Variants in NOS1 observed in about 807,000 individuals in gnomAD.
The protein encoded by NOS1 is nitric oxide synthase 1.
Under a neutral mutation model 164.5 loss-of-function variants are expected in NOS1, and 51 were observed. That is an observed-to-expected ratio of 0.31 (90% CI 0.25 to 0.39). The LOEUF (loss-of-function observed/expected upper bound fraction) is 0.39. Ranked by LOEUF, NOS1 falls within the 10% of genes least tolerant of loss-of-function variation. The pLI is 1.00. For missense variants in NOS1, 1,362 were observed against 1,885.6 expected, an observed-to-expected ratio of 0.72 and a Z score of 5.14; for synonymous variants, 719 against 745.8, an observed-to-expected ratio of 0.96 and a Z score of 0.59.
At chr12:117,281,519 CAAA>C (rs56248436) in intron 7 of NOS1, among the ~76,000 whole-genome samples, 2 of 50,862 alleles carry the variant, frequency 3.9e-5, no homozygotes, top group African/African-American at 8.9e-5. Context: ...GACTCCATCT[CAAA>C]AAAAAAAAAA....
At chr12:117,301,736 A>G (rs1351212956) in intron 3 of NOS1, among the ~76,000 whole-genome samples, 4 of 152,188 alleles carry the variant, frequency 2.6e-5, no homozygotes, top group Non-Finnish European at 5.9e-5. Context: ...TCAATGAGTG[A>G]CAAAGATGAC....
intron 2 of NOS1, among the ~76,000 whole-genome samples, chr12:117,329,747 C>T (rs1244474760): frequency 6.6e-6 from 1 of 152,156 alleles, no homozygotes; most frequent in Non-Finnish European, 1.5e-5. Flanking sequence ...CCACATAATC[C>T]CAGCAAGACT....
At chr12:117,343,779 A>AG in intron 1 of NOS1, among the ~76,000 whole-genome samples, 1 of 152,198 alleles carries the variant, frequency 6.6e-6, no homozygotes, top group Non-Finnish European at 1.5e-5. Context: ...TTTCTGGTGT[A>AG]GGGGAGCTGA....
intron 1 of NOS1, among the ~76,000 whole-genome samples, chr12:117,346,783 C>T (rs1309466377): frequency 6.6e-6 from 1 of 152,136 alleles, no homozygotes; most frequent in Non-Finnish European, 1.5e-5. Context: ...TTTTTGTGAC[C>T]TACACAAATG....
chr12:117,344,622 G>C (rs1353002976), intron 1 of NOS1, among the ~76,000 whole-genome samples: 1 of 152,178 alleles, frequency 6.6e-6, no homozygotes, highest in East Asian at 1.9e-4. Flanking sequence ...AATGTTCTAA[G>C]TACTGCTATA....
chr12:117,329,502 A>G (rs528558), intron 2 of NOS1, among the ~76,000 whole-genome samples: 113,729 of 151,974 alleles, frequency 0.75, 43,342 homozygotes, highest in South Asian at 0.82. Flanking sequence ...GGGGGCTGTA[A>G]CGTCAGTGCC....
At chr12:117,284,821 G>A (rs530063212) in intron 7 of NOS1, among the ~76,000 whole-genome samples, 5 of 152,102 alleles carry the variant, frequency 3.3e-5, no homozygotes, top group African/African-American at 9.6e-5. Flanking sequence ...AGGCCGAGGC[G>A]GGTGGAGCAC....
rs1462927070 is a variant in NOS1, at chr12:117,226,806, T to C, written c.3617-36A>G. On this transcript the variant is annotated intron_variant, in intron 23 of 28. Transcript: ENST00000317775. ...AACCAAGGCAGTCAGGGCCACCCAC[T>C]GCTCCCGAGCACGGCCTCCCCTCCT... is the stretch of plus-strand genomic sequence containing the variant. 3 of 1,560,402 alleles carry C rather than the reference T, an allele frequency of 1.9e-6. 1 individual carries two copies. In the South Asian group the frequency reaches 3.4e-5, roughly 17 times the overall value.
chr12:117,240,324 G>A (rs150256879), intron 20 of NOS1, among the ~76,000 whole-genome samples: 2,071 of 152,246 alleles, frequency 0.014, 28 homozygotes, highest in South Asian at 0.066. Context: ...AGAGCCCTGG[G>A]GCTCTGCTGT....
rs1566078836 is a variant in NOS1 at position 117,330,299 on chromosome 12, T to TGCACACACAC, written c.725+36_725+45dup. On this transcript the variant is annotated intron_variant, in intron 2 of 28. Transcript: ENST00000317775. This position sits in a 1 kb window ranked among gnomAD's most constrained non-coding sequence, Gnocchi z 4.6. Reference sequence around the variant, plus strand: ...AGACGCACATGCACACACACAAGCATGCACACACACACACACACACACACA... The same window carrying TGCACACACAC: ...AGACGCACATGCACACACACAAGCATGCACACACACGCACACACACACACACACACACACA... The TGCACACACAC allele has an allele frequency of 1.6e-6, 1 of 633,920 alleles. No homozygotes were observed. 39.3% of individuals were successfully genotyped at this position (633,920 alleles called of 1,614,324 possible).
At chr12:117,256,124 GAAGGAGAGAGGT>G in intron 16 of NOS1, 2 of 638,862 alleles carry the variant, frequency 3.1e-6, no homozygotes, top group South Asian at 6.4e-5. Context: ...GATGGGGTGG[GAAGGAGAGAGGT>G]AAGGAGAGTG....
At chr12:117,242,377 A>G (rs1870250019) in intron 20 of NOS1, among the ~76,000 whole-genome samples, 1 of 152,238 alleles carries the variant, frequency 6.6e-6, no homozygotes. Context: ...ACTGTTAAAA[A>G]TCACTCAGAA....
chr12:117,258,305 T>C, intron 16 of NOS1, 92 bp downstream of exon 16: 3 of 1,256,992 alleles, frequency 2.4e-6, no homozygotes, highest in Non-Finnish European at 3.5e-6. Flanking sequence ...ACAGCCACCA[T>C]CCAGAACTCA....
intron 3 of NOS1, among the ~76,000 whole-genome samples, chr12:117,308,779 T>G (rs540421553): frequency 2.6e-5 from 4 of 152,158 alleles, no homozygotes; most frequent in Non-Finnish European, 5.9e-5. Context: ...GTATTTTTAG[T>G]AGAGACGGAG....
At chr12:117,360,960 C>A (rs1444132733) in intron 1 of NOS1, among the ~76,000 whole-genome samples, 1 of 152,186 alleles carries the variant, frequency 6.6e-6, no homozygotes. Flanking sequence ...ACCCCCGGAC[C>A]GGAGCCCCCG....
At chr12:117,317,822 A>C (rs1416979359) in intron 2 of NOS1, among the ~76,000 whole-genome samples, 1 of 152,048 alleles carries the variant, frequency 6.6e-6, no homozygotes, top group Non-Finnish European at 1.5e-5. Flanking sequence ...AGGTGGTCAC[A>C]TTTGGTGGTT....
At chr12:117,303,166 AC>A (rs1248334889) in intron 3 of NOS1, among the ~76,000 whole-genome samples, 4 of 152,026 alleles carry the variant, frequency 2.6e-5, no homozygotes, top group Admixed American at 6.6e-5. Context: ...CTTCATTCAG[AC>A]CCAGGCTGGC....
chr12:117,258,083 G>A (rs781709048), intron 16 of NOS1, among the ~76,000 whole-genome samples: 5 of 152,166 alleles, frequency 3.3e-5, no homozygotes, highest in Admixed American at 1.3e-4. Flanking sequence ...GATTACAGGC[G>A]TGAGCCACCA....
chr12:117,256,870 G>A (rs991068230), intron 16 of NOS1, among the ~76,000 whole-genome samples: 5 of 151,482 alleles, frequency 3.3e-5, no homozygotes, highest in Admixed American at 6.6e-5. Flanking sequence ...TCAGGAGTTC[G>A]AGACCAGCCT....
Sources: allele counts gnomAD v4.1 joint callset (sites outside exome capture counted in the v4.1 genomes callset), GRCh38; gene constraint gnomAD v4.1.1; non-coding constraint Gnocchi (gnomAD v3.1); transcripts MANE v1.5; gene names NCBI Gene and HGNC (gene_info 2026-07-23, HGNC 2026-07-21).